TEAD1: variants seen among roughly 807,000 people sequenced by gnomAD.
The protein encoded by TEAD1 is TEA domain transcription factor 1.
Under a neutral mutation model 54.9 loss-of-function variants are expected in TEAD1, and 9 were observed. That is an observed-to-expected ratio of 0.16 (90% CI 0.10 to 0.29). TEAD1 has a LOEUF of 0.29. TEAD1 is among the 10% of genes least tolerant of loss of function. The pLI is 1.00. For synonymous variants in TEAD1, 200 were observed against 187.8 expected (o/e 1.07, Z -0.53); for missense variants, 387 against 535.9 (o/e 0.72, Z 2.74).
chr11:12,767,899 A>G (rs746327298), intron 3 of TEAD1, among the ~76,000 whole-genome samples: 7 of 152,086 alleles, frequency 4.6e-5, no homozygotes, highest in Non-Finnish European at 7.4e-5. Context: ...CTGGTAGATC[A>G]TGGGAGAGGA....
intron 3 of TEAD1, among the ~76,000 whole-genome samples, chr11:12,798,140 C>G (rs1945975529): frequency 6.6e-6 from 1 of 152,156 alleles, no homozygotes; most frequent in African/African-American, 2.4e-5. Flanking sequence ...TTTTACCTTT[C>G]CCATAGTTGC....
chr11:12,680,632 A>G (rs1449810405), intron 2 of TEAD1, among the ~76,000 whole-genome samples: 1 of 152,224 alleles, frequency 6.6e-6, no homozygotes, highest in Non-Finnish European at 1.5e-5. Context: ...CTATCCCCGT[A>G]CACGTGCTCA....
intron 2 of TEAD1, among the ~76,000 whole-genome samples, chr11:12,741,843 G>T (rs947408832): frequency 6.6e-6 from 1 of 152,206 alleles, no homozygotes; most frequent in Non-Finnish European, 1.5e-5. Context: ...GAGCTCCTGG[G>T]ATCACAGTGG....
intron 3 of TEAD1, among the ~76,000 whole-genome samples, chr11:12,826,345 A>G (rs1946654813): frequency 6.6e-6 from 1 of 151,728 alleles, no homozygotes; most frequent in Admixed American, 6.6e-5. Context: ...TTCAGGAGAA[A>G]ATAGTTCCTT....
chr11:12,921,758 T>C (rs769732853), intron 10 of TEAD1, among the ~76,000 whole-genome samples: 3 of 152,024 alleles, frequency 2.0e-5, no homozygotes, highest in Admixed American at 6.6e-5. Context: ...CTGAGGTGTA[T>C]GGTAGCCCCT....
intron 3 of TEAD1, among the ~76,000 whole-genome samples, chr11:12,835,521 A>C (rs564028129): frequency 6.6e-6 from 1 of 150,886 alleles, no homozygotes; most frequent in Non-Finnish European, 1.5e-5. Context: ...GGGTTTCGCA[A>C]TGTTGACCAG....
At chr11:12,697,365 C>A (rs1350390690) in intron 2 of TEAD1, among the ~76,000 whole-genome samples, 1 of 152,014 alleles carries the variant, frequency 6.6e-6, no homozygotes, top group Non-Finnish European at 1.5e-5. Flanking sequence ...GGTTGGGGAC[C>A]CAAAGGGGTG....
intron 2 of TEAD1, among the ~76,000 whole-genome samples, chr11:12,678,067 G>A (rs1194026578): frequency 6.6e-6 from 1 of 152,218 alleles, no homozygotes; most frequent in East Asian, 1.9e-4. Context: ...CCAGTAGAGA[G>A]ATTGTGAAAG....
intron 3 of TEAD1, among the ~76,000 whole-genome samples, chr11:12,814,775 CTCTGTGTGTG>C (rs1277488668): frequency 0.01 from 1,440 of 142,210 alleles, 49 homozygotes; most frequent in Admixed American, 0.025. Flanking sequence ...CATCGCAGAG[CTCTGTGTGTG>C]TGTGTGTGTG....
intron 3 of TEAD1, among the ~76,000 whole-genome samples, chr11:12,847,404 C>G (rs556699578): frequency 6.6e-6 from 1 of 150,454 alleles, no homozygotes; most frequent in South Asian, 2.1e-4. Context: ...GGGGCAGACC[C>G]AGCCCACTGC....
intron 5 of TEAD1, among the ~76,000 whole-genome samples, chr11:12,867,033 A>G (rs574869382): frequency 5.9e-5 from 9 of 152,308 alleles, no homozygotes; most frequent in African/African-American, 2.2e-4. Flanking sequence ...GTGCTCCCTC[A>G]TTTAAGCTCA....
At chr11:12,803,746 A>G (rs1316673768) in intron 3 of TEAD1, among the ~76,000 whole-genome samples, 1 of 152,226 alleles carries the variant, frequency 6.6e-6, no homozygotes, top group African/African-American at 2.4e-5. Context: ...TCACAAAATG[A>G]GGTCTCCTGT....
In TEAD1 at chr11:12,674,588, G is replaced by A. The variant is rs1348840966; in HGVS notation, c.-454G>A. 6.6e-6 allele frequency: 1 copy of A among 150,954 alleles called. No individual in the cohort carries two copies. The highest frequency in any genetic ancestry group is 1.5e-5 in the Non-Finnish European group (1 of 67,794). The allele number at this position is 150,954 out of a possible 1,614,324, so 9.4% of individuals were successfully genotyped here. On this transcript the variant is annotated 5_prime_UTR_variant, in exon 1 of 13. Coordinates refer to ENST00000527636, the MANE Select transcript of TEAD1 (RefSeq NM_021961.6). ...TCCGCGCGGCGGGGCCCGGGCCCGG[G>A]GCGGCCGCGTCCAGGCACAGGCCAT...
intron 3 of TEAD1, among the ~76,000 whole-genome samples, chr11:12,789,148 G>GAGGGTTAGATGTAAC (rs1945745038): frequency 6.6e-6 from 1 of 152,326 alleles, no homozygotes; most frequent in South Asian, 2.1e-4. Context: ...ACATGCACTT[G>GAGGGTTAGATGTAAC]AGGGTTAGAT....
chr11:12,740,993 T>A (rs1944639788), intron 2 of TEAD1, among the ~76,000 whole-genome samples: 1 of 151,830 alleles, frequency 6.6e-6, no homozygotes, highest in African/African-American at 2.4e-5. Flanking sequence ...AATCCTTTCT[T>A]AAAAATTGCA....
At chr11:12,887,771 T>C (rs1948119780) in intron 9 of TEAD1, among the ~76,000 whole-genome samples, 1 of 152,234 alleles carries the variant, frequency 6.6e-6, no homozygotes. Context: ...ACTCAGCTGA[T>C]ACATTTTAAC....
intron 3 of TEAD1, among the ~76,000 whole-genome samples, chr11:12,826,952 T>C (rs1307312763): frequency 6.6e-6 from 1 of 152,222 alleles, no homozygotes; most frequent in African/African-American, 2.4e-5. Context: ...TTTGGGGCTC[T>C]TGTACTCCCA....
At chr11:12,730,564 G>T (rs1379686489) in intron 2 of TEAD1, among the ~76,000 whole-genome samples, 1 of 151,720 alleles carries the variant, frequency 6.6e-6, no homozygotes, top group African/African-American at 2.4e-5. Flanking sequence ...CTAGAGCAGC[G>T]ATGGCTCAAG....
intron 3 of TEAD1, among the ~76,000 whole-genome samples, chr11:12,779,640 A>G (rs1945504145): frequency 6.6e-6 from 1 of 152,230 alleles, no homozygotes; most frequent in Non-Finnish European, 1.5e-5. Context: ...ATATCATGAG[A>G]AAATAACTAA....
Sources: gnomAD v4.1 joint callset for allele counts (sites outside exome capture counted in the v4.1 genomes callset) on GRCh38, gnomAD v4.1.1 for gene constraint, MANE v1.5 for transcripts, NCBI Gene and HGNC (gene_info 2026-07-23, HGNC 2026-07-21) for gene names.